The following DIAPH3 variants were observed in gnomAD, a reference collection of about 807,000 sequenced individuals.
DIAPH3 encodes the protein protein diaphanous homolog 3.
Under a neutral mutation model 144.3 loss-of-function variants are expected in DIAPH3, and 117 were observed. The observed-to-expected ratio is 0.81, with a 90% confidence interval of 0.70 to 0.95. The LOEUF is 0.95. DIAPH3 is among the 40% of genes least tolerant of loss of function. The probability of loss-of-function intolerance (pLI) is 0.00; values close to 1 mark genes in which losing one functional copy is unlikely to be tolerated. For missense variants in DIAPH3, 1,421 were observed against 1,412.7 expected (o/e 1.01, Z -0.09); for synonymous variants, 519 against 488.9 (o/e 1.06, Z -0.81).
intron 25 of DIAPH3, among the ~76,000 whole-genome samples, chr13:59,802,235 T>C (rs2039940188): frequency 6.6e-6 from 1 of 152,182 alleles, no homozygotes; most frequent in Non-Finnish European, 1.5e-5. Context: ...AGCACAATGG[T>C]TGTGCTAGAT....
At chr13:59,748,322 CA>C (rs1345494424) in intron 27 of DIAPH3, among the ~76,000 whole-genome samples, 2 of 152,092 alleles carry the variant, frequency 1.3e-5, no homozygotes, top group Non-Finnish European at 2.9e-5. Flanking sequence ...GTGGCTTGAT[CA>C]TTACGGAAAT....
intron 17 of DIAPH3, among the ~76,000 whole-genome samples, chr13:59,934,550 G>C (rs767640003): frequency 6.6e-6 from 1 of 152,106 alleles, no homozygotes; most frequent in East Asian, 1.9e-4. Context: ...TGAATTACTT[G>C]CATAATGGCT....
chr13:60,089,132 T>G (rs1297397745), intron 4 of DIAPH3, among the ~76,000 whole-genome samples: 1 of 152,032 alleles, frequency 6.6e-6, no homozygotes, highest in East Asian at 1.9e-4. Context: ...TTAACACAAC[T>G]CAAGCACCTA....
chr13:60,016,607 G>A (rs973022244), intron 5 of DIAPH3, among the ~76,000 whole-genome samples: 1 of 152,136 alleles, frequency 6.6e-6, no homozygotes, highest in Non-Finnish European at 1.5e-5. Flanking sequence ...GAGGAAAGAT[G>A]TAGATCAACA....
intron 1 of DIAPH3, among the ~76,000 whole-genome samples, chr13:60,134,408 C>A (rs1038980860): frequency 4.5e-4 from 69 of 152,116 alleles, no homozygotes; most frequent in Admixed American, 3.3e-3. Flanking sequence ...GGATCCTGAG[C>A]GGGATGTAAA....
intron 27 of DIAPH3, among the ~76,000 whole-genome samples, chr13:59,719,142 C>T (rs1395381446): frequency 1.3e-5 from 2 of 152,032 alleles, no homozygotes; most frequent in African/African-American, 4.8e-5. Context: ...TCTGACATAC[C>T]ATATAAAGCC....
At chr13:59,815,046 T>G (rs79439384) in intron 24 of DIAPH3, among the ~76,000 whole-genome samples, 1,795 of 152,360 alleles carry the variant, frequency 0.012, 28 homozygotes, top group African/African-American at 0.04. Flanking sequence ...CTGAATAGTA[T>G]TCCATTGTGT....
chr13:59,730,373 G>A (rs1460544336), intron 27 of DIAPH3, among the ~76,000 whole-genome samples: 14 of 152,168 alleles, frequency 9.2e-5, no homozygotes, highest in Non-Finnish European at 1.9e-4. Flanking sequence ...GGAAGTGCTT[G>A]AAAAATTATA....
chr13:59,671,898 A>G (rs1420243101), intron 27 of DIAPH3, among the ~76,000 whole-genome samples: 2 of 152,118 alleles, frequency 1.3e-5, no homozygotes, highest in Non-Finnish European at 2.9e-5. Context: ...GCCTTAAACT[A>G]CATCTAGTGT....
intron 17 of DIAPH3, among the ~76,000 whole-genome samples, chr13:59,958,733 G>C (rs920133825): frequency 6.6e-6 from 1 of 151,648 alleles, no homozygotes; most frequent in Non-Finnish European, 1.5e-5. Flanking sequence ...TGAAAAGGAA[G>C]GGGAAAAAAT....
At chr13:59,682,671 A>C (rs2033007049) in intron 27 of DIAPH3, among the ~76,000 whole-genome samples, 1 of 152,086 alleles carries the variant, frequency 6.6e-6, no homozygotes, top group Admixed American at 6.6e-5. Flanking sequence ...ATAATACTGC[A>C]TAAAACTGTC....
At chr13:60,017,789 T>C (rs1302817919) in intron 5 of DIAPH3, among the ~76,000 whole-genome samples, 1 of 152,220 alleles carries the variant, frequency 6.6e-6, no homozygotes, top group Non-Finnish European at 1.5e-5. Flanking sequence ...GATACTCTCT[T>C]GTAAAAGACT....
intron 25 of DIAPH3, among the ~76,000 whole-genome samples, chr13:59,778,471 T>C (rs2038546101): frequency 6.6e-6 from 1 of 152,240 alleles, no homozygotes; most frequent in African/African-American, 2.4e-5. Flanking sequence ...ATTAGCTAAA[T>C]ATATGTTGAC....
chr13:60,159,721 T>C (rs918620935), intron 1 of DIAPH3, among the ~76,000 whole-genome samples: 5 of 152,172 alleles, frequency 3.3e-5, no homozygotes, highest in Non-Finnish European at 7.3e-5. Flanking sequence ...TGTGTGATTT[T>C]AGGCAGCTTA....
At chr13:59,897,680 G>A (rs562142036) in intron 20 of DIAPH3, among the ~76,000 whole-genome samples, 8 of 151,684 alleles carry the variant, frequency 5.3e-5, no homozygotes, top group Admixed American at 2.0e-4. Context: ...CCCAGGGGGC[G>A]GAGGTTACAG....
chr13:59,904,361 G>A (rs79376027), intron 20 of DIAPH3, among the ~76,000 whole-genome samples: 2,867 of 152,244 alleles, frequency 0.019, 84 homozygotes, highest in African/African-American at 0.064. Flanking sequence ...GTTTTCATAT[G>A]TCAAAATTAA....
rs141600240 is a variant in DIAPH3, at chr13:59,738,083, C to T, written c.3319+36106G>A. ...TTGAGAGGCTGAGGCAGGAGAATTGCGTGAACCTGGTGAAGGGAGGCTGCA... is the reference window on the plus strand; with the variant it reads ...TTGAGAGGCTGAGGCAGGAGAATTGTGTGAACCTGGTGAAGGGAGGCTGCA... On this transcript the variant is annotated intron_variant, in intron 27 of 27. Coordinates refer to ENST00000400324, the MANE Select transcript of DIAPH3 (RefSeq NM_001042517.2). Among the ~76,000 whole-genome samples, 204 of 152,204 alleles carry T rather than the reference C, an allele frequency of 1.3e-3. 1 individual carries two copies. The highest frequency in any genetic ancestry group is 4.4e-3 in the African/African-American group (183 of 41,536).
At position 59,762,574 on chromosome 13, in the gene DIAPH3, A is replaced by G. The variant is rs563875190; in HGVS notation, c.3319+11615T>C. Among the ~76,000 whole-genome samples, 16 of 152,090 alleles carry G rather than the reference A, an allele frequency of 1.1e-4. 1 individual carries two copies. The highest frequency in any genetic ancestry group is 2.4e-4 in the Non-Finnish European group (16 of 68,020). ...ATGCCAAGTAGTGTACCATAATCAT[A>G]TATCACTTGTCTTTTTTTCTAAAAT... On this transcript the variant is annotated intron_variant, in intron 27 of 27. Coordinates refer to ENST00000400324, the MANE Select transcript of DIAPH3 (RefSeq NM_001042517.2).
chr13:60,056,048 A>C (rs2056546421), intron 4 of DIAPH3, among the ~76,000 whole-genome samples: 1 of 151,788 alleles, frequency 6.6e-6, no homozygotes, highest in South Asian at 2.1e-4. Context: ...AAATCCAAAC[A>C]CAAGAAACCT....
Sources: gnomAD v4.1 joint callset for allele counts (sites outside exome capture counted in the v4.1 genomes callset) on GRCh38, gnomAD v4.1.1 for gene constraint, MANE v1.5 for transcripts, NCBI Gene and HGNC (gene_info 2026-07-23, HGNC 2026-07-21) for gene names.